DOCK3: variants seen among roughly 807,000 people sequenced by gnomAD.
DOCK3 encodes dedicator of cytokinesis protein 3.
DOCK3 carries 60 observed loss-of-function variants against 265.6 expected under a neutral mutation model. The ratio of observed to expected loss-of-function variants is 0.23; its 90% CI spans 0.18 to 0.28. The LOEUF (loss-of-function observed/expected upper bound fraction) is 0.28, where lower values mean the gene tolerates loss of function less well. Ranked by LOEUF, DOCK3 falls within the 10% of genes least tolerant of loss-of-function variation. The pLI, the probability that DOCK3 is intolerant of heterozygous loss-of-function variation, is 1.00. For synonymous variants in DOCK3, 881 were observed against 938.0 expected (o/e 0.94, Z 1.11); for missense variants, 1,981 against 2,594.3 (o/e 0.76, Z 5.14).
intron 1 of DOCK3, among the ~76,000 whole-genome samples, chr3:50,769,809 C>A (rs1429597419): frequency 3.4e-5 from 1 of 29,448 alleles, no homozygotes; most frequent in Admixed American, 5.8e-4. Context: ...AAGACTCTGT[C>A]TCAAAAAAAA....
At chr3:50,802,039 A>T (rs1360751901) in intron 2 of DOCK3, among the ~76,000 whole-genome samples, 1 of 152,104 alleles carries the variant, frequency 6.6e-6, no homozygotes, top group Non-Finnish European at 1.5e-5. Flanking sequence ...TTTCTTTTGC[A>T]TGGAATATCT....
At chr3:51,350,949 C>G (rs192558318) in intron 40 of DOCK3, among the ~76,000 whole-genome samples, 1 of 152,230 alleles carries the variant, frequency 6.6e-6, no homozygotes, top group Non-Finnish European at 1.5e-5. Context: ...TAGAAAGCCT[C>G]TTCTAGGCAG....
At chr3:50,914,400 AT>A (rs1332697402) in intron 4 of DOCK3, among the ~76,000 whole-genome samples, 4 of 151,878 alleles carry the variant, frequency 2.6e-5, no homozygotes, top group Non-Finnish European at 5.9e-5. Flanking sequence ...TTGTGTTTCT[AT>A]TTTCACTTGT....
At chr3:51,159,381 T>C in intron 11 of DOCK3, 77 bp downstream of exon 11, 2 of 1,369,878 alleles carry the variant, frequency 1.5e-6, no homozygotes, top group Non-Finnish European at 2.1e-6. Context: ...ATGAGCTTTG[T>C]TTTCTCCCTA....
At chr3:51,358,640 A>G (rs1016528301) in intron 46 of DOCK3, among the ~76,000 whole-genome samples, 5 of 152,066 alleles carry the variant, frequency 3.3e-5, no homozygotes, top group African/African-American at 1.2e-4. Context: ...CCAAGCTCAC[A>G]TCTGAGATAG....
At chr3:50,758,003 G>A (rs2040275091) in intron 1 of DOCK3, among the ~76,000 whole-genome samples, 2 of 151,324 alleles carry the variant, frequency 1.3e-5, no homozygotes, top group South Asian at 2.1e-4. Context: ...GTGAAACCCC[G>A]TCTCTACTAA....
At chr3:51,271,330 G>A (rs952737948) in intron 24 of DOCK3, among the ~76,000 whole-genome samples, 1 of 152,178 alleles carries the variant, frequency 6.6e-6, no homozygotes, top group Admixed American at 6.5e-5. Context: ...CATAGTTCTG[G>A]AGGTTAGGAA....
intron 32 of DOCK3, among the ~76,000 whole-genome samples, chr3:51,322,457 C>CCT: frequency 6.6e-6 from 1 of 152,148 alleles, no homozygotes; most frequent in East Asian, 1.9e-4. Flanking sequence ...CCCACCTCAG[C>CCT]CTCCCAAAAT....
At chr3:51,245,166 T>G (rs1232203311) in intron 21 of DOCK3, among the ~76,000 whole-genome samples, 1 of 151,912 alleles carries the variant, frequency 6.6e-6, no homozygotes, top group Non-Finnish European at 1.5e-5. Flanking sequence ...CCATCTCTAC[T>G]AAAAATACAA....
At chr3:50,728,724 T>C (rs1234466046) in intron 1 of DOCK3, among the ~76,000 whole-genome samples, 1 of 47,006 alleles carries the variant, frequency 2.1e-5, no homozygotes, top group Admixed American at 2.5e-4. Flanking sequence ...ATTAAATAAA[T>C]AGAATTTTTT....
At chr3:50,918,013 G>A (rs774372402) in intron 4 of DOCK3, among the ~76,000 whole-genome samples, 2 of 151,960 alleles carry the variant, frequency 1.3e-5, no homozygotes, top group Non-Finnish European at 2.9e-5. Flanking sequence ...TACAGTGTTT[G>A]GTTTTCTGTC....
intron 6 of DOCK3, among the ~76,000 whole-genome samples, chr3:51,066,965 A>G (rs2081612217): frequency 6.6e-6 from 1 of 152,190 alleles, no homozygotes; most frequent in Admixed American, 6.5e-5. Flanking sequence ...AACTTTGGGG[A>G]ATAACAATTT....
At chr3:51,270,736 C>T (rs1176762742) in intron 23 of DOCK3, 79 bp from the exon 24 acceptor site, 4 of 1,440,360 alleles carry the variant, frequency 2.8e-6, no homozygotes, top group Non-Finnish European at 3.7e-6. Context: ...CCTCTCACCA[C>T]CTTGTATCAT....
intron 5 of DOCK3, among the ~76,000 whole-genome samples, chr3:50,945,463 A>G (rs542364282): frequency 7.2e-4 from 109 of 152,290 alleles, no homozygotes; most frequent in African/African-American, 2.6e-3. Flanking sequence ...TAACAGTTCT[A>G]TTTTGTATTA....
intron 1 of DOCK3, among the ~76,000 whole-genome samples, chr3:50,719,119 T>C (rs1487400376): frequency 2.0e-5 from 3 of 152,130 alleles, no homozygotes; most frequent in African/African-American, 7.2e-5. Flanking sequence ...GGGGAAAATA[T>C]CAGTCATTAT....
intron 38 of DOCK3, among the ~76,000 whole-genome samples, chr3:51,345,385 AG>A (rs2085494270): frequency 6.6e-6 from 1 of 152,188 alleles, no homozygotes; most frequent in Non-Finnish European, 1.5e-5. Flanking sequence ...CCAAGGTGGT[AG>A]GATGGCTTGA....
chr3:50,865,672 G>A (rs2047108609), intron 3 of DOCK3, among the ~76,000 whole-genome samples: 2 of 152,178 alleles, frequency 1.3e-5, no homozygotes, highest in South Asian at 4.1e-4. Context: ...ATAACCAGCA[G>A]TGGGATTGCT....
At chr3:50,697,478 C>T (rs1438095707) in intron 1 of DOCK3, among the ~76,000 whole-genome samples, 1 of 152,044 alleles carries the variant, frequency 6.6e-6, no homozygotes, top group Non-Finnish European at 1.5e-5. Flanking sequence ...GTAATCCCAG[C>T]TACTTGGGAG....
intron 41 of DOCK3, 115 bp from the exon 42 acceptor site, chr3:51,355,974 C>A (rs1158085936): frequency 3.8e-6 from 5 of 1,320,552 alleles, no homozygotes; most frequent in Non-Finnish European, 3.2e-6. Context: ...CCCTACTGGG[C>A]TGTCAGTAAG....
Sources: allele counts gnomAD v4.1 joint callset (sites outside exome capture counted in the v4.1 genomes callset), GRCh38; gene constraint gnomAD v4.1.1; transcripts MANE v1.5; gene names NCBI Gene and HGNC (gene_info 2026-07-23, HGNC 2026-07-21).